Variants in CADPS observed in about 807,000 individuals in gnomAD.
CADPS encodes calcium dependent secretion activator.
In CADPS, 57 loss-of-function variants were observed where a neutral mutation model predicts 167.3. That is an observed-to-expected ratio of 0.34 (90% CI 0.28 to 0.42). The LOEUF is 0.42. Among genes scored for constraint, CADPS ranks in the 20% least tolerant of loss-of-function variants. CADPS has a pLI of 1.00. For missense variants in CADPS, 1,414 were observed against 1,738.1 expected (o/e 0.81, Z 3.32); for synonymous variants, 676 against 635.3 (o/e 1.06, Z -0.96).
chr3:62,551,768 C>T (rs773197862), intron 10 of CADPS, among the ~76,000 whole-genome samples: 1 of 152,184 alleles, frequency 6.6e-6, no homozygotes, highest in East Asian at 1.9e-4. Context: ...CACCTCAGTA[C>T]CTTTGCAATT....
rs544161007 is a variant in CADPS, at chr3:62,514,535, A to T, written c.2581+1524T>A. The stretch of plus-strand genomic sequence containing the variant: ...AGTCACAGTGCAAAAGATAATTAAC[A>T]CAACCAAGAAGAATTGAGGCACAAA... On this transcript the variant is annotated intron_variant, in intron 16 of 29. Transcript: ENST00000383710. The surrounding 1 kb of genome is among the most constrained non-coding windows in gnomAD (Gnocchi z 4.2). Among the ~76,000 whole-genome samples the T allele has an allele frequency of 6.6e-6, 1 of 152,286 alleles. No individual in the cohort carries two copies. Among genetic ancestry groups the T allele is most frequent in the Admixed American group, 6.5e-5 (1 of 15,278 alleles).
rs1480606199 is a variant in CADPS at position 62,557,491 on chromosome 3, A to G, written c.1667T>C (p.Met556Thr). Residue 556 changes from methionine to threonine, a missense_variant, in exon 10 of 30, where the codon ATG becomes ACG. Met to Thr is a moderately conservative substitution (Grantham distance 81). Transcript: ENST00000383710. ...CGCTTTCTTCTCCCGATAACTGCAC[A>G]TGGCAAACGTGTACTGACTGACCTG... is the stretch of plus-strand genomic sequence containing the variant. ...LVQVSQYTFA[M>T]CSYREKKAEP... The G allele has an allele frequency of 5.6e-6, 9 of 1,613,868 alleles. No homozygotes were observed. Among genetic ancestry groups the G allele is most frequent in the Non-Finnish European group, 6.8e-6 (8 of 1,179,800 alleles).
At chr3:62,570,800 A>T (rs1208768278) in intron 9 of CADPS, 72 bp downstream of exon 9, 7 of 996,854 alleles carry the variant, frequency 7.0e-6, no homozygotes, top group Non-Finnish European at 1.1e-5. Flanking sequence ...GTTATACCTC[A>T]GTTAAAAAGC....
chr3:62,609,015 G>A (rs964883076), intron 6 of CADPS, among the ~76,000 whole-genome samples: 12 of 152,244 alleles, frequency 7.9e-5, no homozygotes, highest in South Asian at 2.1e-4. Context: ...AGACATAGAC[G>A]TAAGCGAGGG....
intron 3 of CADPS, among the ~76,000 whole-genome samples, chr3:62,663,509 T>C (rs182008863): frequency 1.7e-3 from 253 of 151,616 alleles, no homozygotes; most frequent in Non-Finnish European, 2.9e-3. Context: ...CTTTTTAGTA[T>C]ATATTAATTC....
intron 3 of CADPS, among the ~76,000 whole-genome samples, chr3:62,699,663 G>C (rs1347156511): frequency 1.3e-5 from 2 of 152,090 alleles, no homozygotes. Context: ...CCGCCTTCCA[G>C]GTTCTAGTGA....
chr3:62,426,202 G>T (rs2052628590), intron 28 of CADPS, among the ~76,000 whole-genome samples: 1 of 152,178 alleles, frequency 6.6e-6, no homozygotes, highest in Non-Finnish European at 1.5e-5. Context: ...CCAGGCTGGA[G>T]TACAGTGGCA....
intron 6 of CADPS, among the ~76,000 whole-genome samples, chr3:62,609,082 G>A (rs188824840): frequency 6.6e-6 from 1 of 152,230 alleles, no homozygotes; most frequent in African/African-American, 2.4e-5. Context: ...GCTCACCCCT[G>A]GAACTTTTCT....
chr3:62,418,413 C>T (rs1197850327), intron 28 of CADPS, among the ~76,000 whole-genome samples: 1 of 148,702 alleles, frequency 6.7e-6, no homozygotes, highest in Non-Finnish European at 1.5e-5. Context: ...CAGCCTCAAC[C>T]TCCCAGGCTT....
rs575561774 is a variant in CADPS, at chr3:62,693,331, T to C, written c.889-30937A>G. 1.5e-3 allele frequency among the ~76,000 whole-genome samples: 232 copies of C among 152,204 alleles called. 1 individual carries two copies. The highest frequency in any genetic ancestry group is 2.1e-3 in the Non-Finnish European group (141 of 68,008). ...CTTTTAAATGGCCTGCTTCTCACCC[T>C]GGATTGTAAGCTACACATGACAAGG... On this transcript the variant is annotated intron_variant, in intron 3 of 29. Transcript: ENST00000383710.
At chr3:62,673,929 G>A (rs147941122) in intron 3 of CADPS, among the ~76,000 whole-genome samples, 1 of 152,140 alleles carries the variant, frequency 6.6e-6, no homozygotes, top group Admixed American at 6.6e-5. Context: ...TCAACAGGAA[G>A]TCCAGAAAAA....
chr3:62,707,164 C>A (rs1260715636), intron 3 of CADPS, among the ~76,000 whole-genome samples: 1 of 152,088 alleles, frequency 6.6e-6, no homozygotes, highest in Non-Finnish European at 1.5e-5. Context: ...ACCTCCTGAG[C>A]TCCACCTCCC....
rs1158035939 is a variant in CADPS, at chr3:62,465,123, A to ATG, written c.3636+242_3636+243dup. 6.6e-6 allele frequency among the ~76,000 whole-genome samples: 1 copy of ATG among 152,114 alleles called. No individual in the cohort carries two copies. The highest frequency in any genetic ancestry group is 1.9e-4 in the East Asian group (1 of 5,204). On this transcript the variant is annotated intron_variant, in intron 26 of 29. Transcript: ENST00000383710. The surrounding 1 kb of genome is among the most constrained non-coding windows in gnomAD (Gnocchi z 4.1). Reference sequence around the variant, plus strand: ...AATCTCTGGATGCATACAAATAGCAATGTGTGTGTGTGTTCATAAAAAATA... The same window carrying ATG: ...AATCTCTGGATGCATACAAATAGCAATGTGTGTGTGTGTGTTCATAAAAAATA...
chr3:62,785,042 G>A (rs115725963), intron 1 of CADPS, among the ~76,000 whole-genome samples: 117 of 152,248 alleles, frequency 7.7e-4, no homozygotes, highest in Middle Eastern at 6.8e-3. Context: ...TAAATATAAT[G>A]TTATGCCTGG....
At chr3:62,671,604 A>G (rs1053527347) in intron 3 of CADPS, among the ~76,000 whole-genome samples, 1 of 152,090 alleles carries the variant, frequency 6.6e-6, no homozygotes, top group African/African-American at 2.4e-5. Flanking sequence ...CACCGATTTC[A>G]TATTCATCCT....
At chr3:62,818,524 T>C (rs1300200973) in intron 1 of CADPS, among the ~76,000 whole-genome samples, 1 of 152,040 alleles carries the variant, frequency 6.6e-6, no homozygotes, top group Non-Finnish European at 1.5e-5. Context: ...CAGCTAAAAT[T>C]AAAAAGACAG....
chr3:62,734,956 T>C (rs1229435656), intron 3 of CADPS, among the ~76,000 whole-genome samples: 1 of 152,210 alleles, frequency 6.6e-6, no homozygotes, highest in East Asian at 1.9e-4. Context: ...TTCAAGGGAA[T>C]GTACAACTAA....
chr3:62,635,956 T>G lies in CADPS; in HGVS notation c.1325+9766A>C, dbSNP rs896301802. 2.0e-5 allele frequency among the ~76,000 whole-genome samples: 3 copies of G among 152,328 alleles called. No individual in the cohort carries two copies. The South Asian group carries it at 6.2e-4, about 32-fold the overall frequency. ...TACAAGTAAGGGATCTACATATAAA[T>G]GAACACATTCCAAAGGAAACTAAAA... On this transcript the variant is annotated intron_variant, in intron 6 of 29. Transcript: ENST00000383710.
intron 3 of CADPS, among the ~76,000 whole-genome samples, chr3:62,663,451 A>G (rs1181697402): frequency 6.6e-6 from 1 of 152,166 alleles, no homozygotes; most frequent in Non-Finnish European, 1.5e-5. Context: ...ATTCACAGAA[A>G]AGTTTACTAA....
Sources: allele counts gnomAD v4.1 joint callset (sites outside exome capture counted in the v4.1 genomes callset), GRCh38; gene constraint gnomAD v4.1.1; non-coding constraint Gnocchi (gnomAD v3.1); transcripts MANE v1.5; gene names NCBI Gene and HGNC (gene_info 2026-07-23, HGNC 2026-07-21).